The following GPC5 variants were observed in gnomAD, a reference collection of about 807,000 sequenced individuals.
GPC5 encodes the protein glypican-5.
In GPC5, 47 loss-of-function variants were observed where a neutral mutation model predicts 53.9. That is an observed-to-expected ratio of 0.87 (90% CI 0.69 to 1.11). The LOEUF (loss-of-function observed/expected upper bound fraction) is 1.11, where lower values mean the gene tolerates loss of function less well. Among genes scored for constraint, GPC5 ranks in the 50% most tolerant of loss-of-function variants. The pLI is 0.00. For synonymous variants in GPC5, 286 were observed against 263.3 expected, an observed-to-expected ratio of 1.09 and a Z score of -0.84; for missense variants, 748 against 713.1, an observed-to-expected ratio of 1.05 and a Z score of -0.56.
At chr13:91,868,125 T>C (rs2039104008) in intron 5 of GPC5, among the ~76,000 whole-genome samples, 1 of 152,158 alleles carries the variant, frequency 6.6e-6, no homozygotes, top group African/African-American at 2.4e-5. Context: ...ACAAGAGATA[T>C]TGAGAAAAAG....
At chr13:92,789,166 C>T (rs1443794214) in intron 7 of GPC5, among the ~76,000 whole-genome samples, 1 of 152,114 alleles carries the variant, frequency 6.6e-6, no homozygotes, top group African/African-American at 2.4e-5. Flanking sequence ...ACGGCTTCAA[C>T]ATCAAGATTT....
intron 2 of GPC5, among the ~76,000 whole-genome samples, chr13:91,541,816 TATTA>T (rs1303425792): frequency 2.1e-5 from 3 of 139,850 alleles, no homozygotes; most frequent in African/African-American, 7.7e-5. Flanking sequence ...AGAACTTCCA[TATTA>T]ATTAATAATA....
intron 6 of GPC5, among the ~76,000 whole-genome samples, chr13:91,974,074 C>T (rs570085223): frequency 6.6e-6 from 1 of 152,260 alleles, no homozygotes; most frequent in African/African-American, 2.4e-5. Context: ...CTTTGCCCTC[C>T]CCCAGAGGTG....
chr13:92,782,858 A>G (rs1468997934), intron 7 of GPC5, among the ~76,000 whole-genome samples: 1 of 152,098 alleles, frequency 6.6e-6, no homozygotes, highest in Non-Finnish European at 1.5e-5. Context: ...GATTCATAGC[A>G]TGCTGTTTTA....
chr13:91,732,632 C>T (rs1215058906), intron 4 of GPC5, among the ~76,000 whole-genome samples: 4 of 152,102 alleles, frequency 2.6e-5, no homozygotes, highest in Admixed American at 2.6e-4. Context: ...CCTAGGTTTT[C>T]TTCTAGTGTT....
In GPC5 at chr13:92,223,754, A is replaced by T. The variant is rs115831853; in HGVS notation, c.1561+78765A>T. 5.6e-3 allele frequency among the ~76,000 whole-genome samples: 846 copies of T among 152,320 alleles called. 11 individuals carry two copies. Among genetic ancestry groups the T allele is most frequent in the African/African-American group, 0.02 (817 of 41,588 alleles). On this transcript the variant is annotated intron_variant, in intron 7 of 7. Transcript: ENST00000377067. ...TTTAACAAAAGCTGGCTTTGATAAT[A>T]GCATATTTGCAGTTCATAAAAGATC...
chr13:92,089,582 A>C (rs2041363153), intron 6 of GPC5, among the ~76,000 whole-genome samples: 1 of 152,224 alleles, frequency 6.6e-6, no homozygotes, highest in South Asian at 2.1e-4. Flanking sequence ...TCTTGAAATC[A>C]TAAGATGTAT....
intron 6 of GPC5, among the ~76,000 whole-genome samples, chr13:91,927,549 G>T (rs1167746065): frequency 6.6e-6 from 1 of 152,014 alleles, no homozygotes; most frequent in Non-Finnish European, 1.5e-5. Context: ...TGCAGTCTAT[G>T]GCAATTATCT....
intron 6 of GPC5, among the ~76,000 whole-genome samples, chr13:91,946,519 G>A (rs1295491152): frequency 1.3e-5 from 2 of 152,174 alleles, no homozygotes; most frequent in Non-Finnish European, 2.9e-5. Flanking sequence ...AAGGGAAGTA[G>A]TGAGGCCCAA....
chr13:92,011,410 C>G (rs2040660460), intron 6 of GPC5, among the ~76,000 whole-genome samples: 1 of 152,182 alleles, frequency 6.6e-6, no homozygotes, highest in Non-Finnish European at 1.5e-5. Flanking sequence ...CACAGGACTA[C>G]CCCTTCCTGA....
chr13:92,716,357 T>A (rs1016894805), intron 7 of GPC5, among the ~76,000 whole-genome samples: 2 of 152,066 alleles, frequency 1.3e-5, no homozygotes, highest in African/African-American at 4.8e-5. Flanking sequence ...TGTCTGAATA[T>A]CCTTCCTCTG....
intron 7 of GPC5, among the ~76,000 whole-genome samples, chr13:92,702,502 C>T (rs1314618553): frequency 6.6e-6 from 1 of 151,930 alleles, no homozygotes; most frequent in Admixed American, 6.6e-5. Context: ...TGGATGAATC[C>T]TTGAGTTACC....
chr13:92,433,251 C>T lies in GPC5; in HGVS notation c.1561+288262C>T, dbSNP rs150175611. On this transcript the variant is annotated intron_variant, in intron 7 of 7. Coordinates refer to ENST00000377067, the MANE Select transcript of GPC5 (RefSeq NM_004466.6). Reference sequence around the variant, plus strand: ...GATGAAGATCAGGTTACATTCTTCACTGTAGCCTGAGAAGAAGGCAGAATA... The same window carrying T: ...GATGAAGATCAGGTTACATTCTTCATTGTAGCCTGAGAAGAAGGCAGAATA... Among the ~76,000 whole-genome samples the T allele has an allele frequency of 2.0e-5, 3 of 152,056 alleles. No individual in the cohort carries two copies. The East Asian group carries it at 5.8e-4, about 30-fold the overall frequency.
At chr13:92,844,282 T>G (rs1392416227) in intron 7 of GPC5, among the ~76,000 whole-genome samples, 1 of 152,102 alleles carries the variant, frequency 6.6e-6, no homozygotes, top group Non-Finnish European at 1.5e-5. Flanking sequence ...GGAAATGAAT[T>G]CAGTGATATT....
At chr13:91,925,210 A>C (rs2039755726) in intron 6 of GPC5, among the ~76,000 whole-genome samples, 1 of 152,208 alleles carries the variant, frequency 6.6e-6, no homozygotes, top group African/African-American at 2.4e-5. Context: ...GTCTTTAACC[A>C]GTATCAATCA....
chr13:91,939,657 G>A (rs144262681), intron 6 of GPC5, among the ~76,000 whole-genome samples: 1 of 152,296 alleles, frequency 6.6e-6, no homozygotes, highest in East Asian at 1.9e-4. Flanking sequence ...GTTCCAAGAT[G>A]TTAAAGGATT....
rs151124467 is a variant in GPC5 at position 91,515,524 on chromosome 13, C to G, written c.325+66602C>G. On this transcript the variant is annotated intron_variant, in intron 2 of 7. Coordinates refer to ENST00000377067, the MANE Select transcript of GPC5 (RefSeq NM_004466.6). ...AGGCTAACAGTGGTTAAATAACTTG[C>G]CTAAGGTCATAAAGTTTTGTTTGAC... Among the ~76,000 whole-genome samples, 115 of 152,172 alleles carry G rather than the reference C, an allele frequency of 7.6e-4. 1 individual carries two copies. The highest frequency in any genetic ancestry group is 2.5e-3 in the African/African-American group (104 of 41,522).
At chr13:92,739,862 C>CA (rs369047200) in intron 7 of GPC5, among the ~76,000 whole-genome samples, 52 of 151,980 alleles carry the variant, frequency 3.4e-4, no homozygotes, top group African/African-American at 1.2e-3. Context: ...ACAAAACAAA[C>CA]AAAAAAACAC....
At chr13:91,581,843 C>G (rs79962767) in intron 2 of GPC5, among the ~76,000 whole-genome samples, 1 of 151,900 alleles carries the variant, frequency 6.6e-6, no homozygotes, top group Admixed American at 6.6e-5. Flanking sequence ...ACATGAGGGA[C>G]TATATATATA....
Sources: allele counts gnomAD v4.1 joint callset (sites outside exome capture counted in the v4.1 genomes callset), GRCh38; gene constraint gnomAD v4.1.1; transcripts MANE v1.5; gene names NCBI Gene and HGNC (gene_info 2026-07-23, HGNC 2026-07-21).